The following SLCO1B3 variants were observed in gnomAD, a reference collection of about 807,000 sequenced individuals.
The protein encoded by SLCO1B3 is solute carrier organic anion transporter family member 1B3.
A neutral mutation model predicts 71.8 loss-of-function variants in SLCO1B3; 72 were observed. The observed-to-expected ratio is 1.00, with a 90% CI of 0.83 to 1.22. The LOEUF (loss-of-function observed/expected upper bound fraction) is 1.22. SLCO1B3 is among the 50% of genes most tolerant of loss of function. SLCO1B3 has a pLI of 0.00. For synonymous variants in SLCO1B3, 298 were observed against 278.4 expected, an observed-to-expected ratio of 1.07 and a Z score of -0.70; for missense variants, 911 against 819.7, an observed-to-expected ratio of 1.11 and a Z score of -1.36.
chr12:20,865,110 A>G (rs1467290778), intron 8 of SLCO1B3, among the ~76,000 whole-genome samples: 3 of 152,126 alleles, frequency 2.0e-5, no homozygotes, highest in Non-Finnish European at 2.9e-5. Flanking sequence ...CACTAGCAGG[A>G]CATATCTAGC....
At chr12:20,832,134 G>A (rs533360823) in intron 3 of SLCO1B3, among the ~76,000 whole-genome samples, 87 of 152,170 alleles carry the variant, frequency 5.7e-4, no homozygotes, top group African/African-American at 1.9e-3. Flanking sequence ...ACCTTTAAGC[G>A]GTGTGGCCTA....
At chr12:20,897,327 T>C (rs1198704652) in intron 13 of SLCO1B3, among the ~76,000 whole-genome samples, 1 of 152,224 alleles carries the variant, frequency 6.6e-6, no homozygotes, top group Non-Finnish European at 1.5e-5. Flanking sequence ...TGAATTCTTT[T>C]CAGAATCTCA....
chr12:20,859,487 T>A (rs148451012), intron 5 of SLCO1B3, among the ~76,000 whole-genome samples: 2 of 37,646 alleles, frequency 5.3e-5, no homozygotes, highest in Non-Finnish European at 2.9e-4. Context: ...AATTCTGTTT[T>A]TTTCCCCCTC....
intron 3 of SLCO1B3, among the ~76,000 whole-genome samples, chr12:20,839,227 T>G (rs1468402095): frequency 6.6e-6 from 1 of 152,052 alleles, no homozygotes; most frequent in Non-Finnish European, 1.5e-5. Context: ...AAAAAACTTT[T>G]TAATTTACCT....
Position 20,880,860 on chromosome 12 carries a change from A to T in SLCO1B3, c.1337A>T (p.Asn446Ile). 6.3e-7 allele frequency: 1 copy of T among 1,585,664 alleles called. No homozygotes were observed. The highest frequency in any genetic ancestry group is 8.6e-7 in the Non-Finnish European group (1 of 1,162,922). ...TTTCTATCATATATTTTCAGAAATA[A>T]TTCAGTGGCATCTCATGTAGATGTA... Reference protein sequence around the residue: ...AGLTLTYDGNNSVASHVDVPL... With the variant: ...AGLTLTYDGNISVASHVDVPL... Residue 446 changes from asparagine to isoleucine, a missense_variant, in exon 12 of 16, where the codon AAT becomes ATT. Coordinates refer to ENST00000381545, the MANE Select transcript of SLCO1B3 (RefSeq NM_019844.4).
At chr12:20,894,504 C>G (rs1030111417) in intron 13 of SLCO1B3, among the ~76,000 whole-genome samples, 19 of 152,126 alleles carry the variant, frequency 1.2e-4, no homozygotes, top group African/African-American at 4.6e-4. Flanking sequence ...GCAAGTCCCC[C>G]CAAGTCTCCT....
intron 3 of SLCO1B3, among the ~76,000 whole-genome samples, chr12:20,817,596 AT>A (rs1160014514): frequency 2.7e-5 from 4 of 150,920 alleles, no homozygotes; most frequent in East Asian, 1.9e-4. Context: ...CTATAGTATA[AT>A]TTTTTTTTGA....
chr12:20,848,750 T>G (rs1173101218), intron 3 of SLCO1B3, among the ~76,000 whole-genome samples: 1 of 152,116 alleles, frequency 6.6e-6, no homozygotes, highest in Non-Finnish European at 1.5e-5. Flanking sequence ...TTATATATTG[T>G]AAGATTTCAA....
intron 3 of SLCO1B3, among the ~76,000 whole-genome samples, chr12:20,850,256 T>TTTATTTA (rs1864998027): frequency 7.0e-6 from 1 of 143,040 alleles, no homozygotes; most frequent in East Asian, 2.1e-4. Flanking sequence ...ATTATTATTA[T>TTTATTTA]TTTATTTATT....
intron 3 of SLCO1B3, among the ~76,000 whole-genome samples, chr12:20,836,516 G>T (rs115030094): frequency 0.033 from 5,079 of 152,214 alleles, 93 homozygotes; most frequent in Admixed American, 0.058. Flanking sequence ...CATGGAATAA[G>T]ATAGAAAGTA....
chr12:20,910,272 G>T (rs964640176), intron 15 of SLCO1B3, among the ~76,000 whole-genome samples: 3 of 151,928 alleles, frequency 2.0e-5, no homozygotes, highest in Non-Finnish European at 4.4e-5. Flanking sequence ...TATTTAAGTG[G>T]GTCTATTTCT....
chr12:20,871,405 C>T (rs573654571), intron 8 of SLCO1B3, among the ~76,000 whole-genome samples: 1 of 152,152 alleles, frequency 6.6e-6, no homozygotes, highest in Admixed American at 6.6e-5. Context: ...CAGGATTGTT[C>T]CCTGGTGCCT....
intron 9 of SLCO1B3, among the ~76,000 whole-genome samples, chr12:20,877,542 T>A (rs140143437): frequency 2.3e-3 from 347 of 152,190 alleles, no homozygotes; most frequent in African/African-American, 7.8e-3. Context: ...TGTAGTGAGT[T>A]ATGATTGTAT....
chr12:20,902,117 C>T (rs1866143860), intron 15 of SLCO1B3: 2 of 223,616 alleles, frequency 8.9e-6, no homozygotes, highest in South Asian at 9.9e-5. Context: ...TAAGTATGAC[C>T]CAAATGCCTG....
intron 15 of SLCO1B3, among the ~76,000 whole-genome samples, chr12:20,904,172 G>A (rs547362925): frequency 6.7e-6 from 1 of 150,082 alleles, no homozygotes; most frequent in Non-Finnish European, 1.5e-5. Context: ...CCCAGGAGGT[G>A]GAGCTTGCAG....
chr12:20,868,293 G>A (rs1020545306), intron 8 of SLCO1B3, among the ~76,000 whole-genome samples: 58 of 152,236 alleles, frequency 3.8e-4, no homozygotes, highest in African/African-American at 1.4e-3. Context: ...TTAAGTTTTT[G>A]GGGAACCAAA....
At chr12:20,819,585 T>C (rs4762674) in intron 3 of SLCO1B3, among the ~76,000 whole-genome samples, 80,651 of 151,966 alleles carry the variant, frequency 0.53, 22,056 homozygotes, top group East Asian at 0.74. Context: ...ATAGGCAAAA[T>C]AATTTGGTTG....
Position 20,858,426 on chromosome 12 carries a change from G to T in SLCO1B3, c.227-13G>T, listed in dbSNP as rs777995677. 2 of 1,546,892 alleles carry T rather than the reference G, an allele frequency of 1.3e-6. No individual in the cohort carries two copies. Among genetic ancestry groups the T allele is most frequent in the Non-Finnish European group, 1.8e-6 (2 of 1,121,198 alleles). ...CACTAAGTCATATCAACATAATTTTGTTTTTTTTCTAGGAAATTTGCTTGT... is the reference window on the plus strand; with the variant it reads ...CACTAAGTCATATCAACATAATTTTTTTTTTTTTCTAGGAAATTTGCTTGT... On this transcript the variant is annotated splice_polypyrimidine_tract_variant and intron_variant, in intron 4 of 15. Transcript: ENST00000381545.
Position 20,821,788 on chromosome 12 carries a change from T to C in SLCO1B3, c.84+5966T>C, listed in dbSNP as rs553722740. ...CCTGCGTGGTCTGACACCTTTGAAA[T>C]GTGGGTGAATAATCAGAGAGGCATC... On this transcript the variant is annotated intron_variant, in intron 3 of 15. Coordinates refer to ENST00000381545, the MANE Select transcript of SLCO1B3 (RefSeq NM_019844.4). 1.1e-3 allele frequency among the ~76,000 whole-genome samples: 162 copies of C among 152,152 alleles called. 4 individuals are homozygous for C. In the South Asian group the frequency reaches 0.033, roughly 31 times the overall value.
Sources: allele counts gnomAD v4.1 joint callset (sites outside exome capture counted in the v4.1 genomes callset), GRCh38; gene constraint gnomAD v4.1.1; transcripts MANE v1.5; gene names NCBI Gene and HGNC (gene_info 2026-07-23, HGNC 2026-07-21).